Variants in CLEC4F observed in about 807,000 individuals in gnomAD.
CLEC4F encodes C-type lectin domain family 4 member F.
A neutral mutation model predicts 53.4 loss-of-function variants in CLEC4F; 45 were observed. The observed-to-expected ratio is 0.84, with a 90% CI of 0.66 to 1.08. The LOEUF (loss-of-function observed/expected upper bound fraction) is 1.08, where lower values mean the gene tolerates loss of function less well. Among genes scored for constraint, CLEC4F ranks in the 50% least tolerant of loss-of-function variants. CLEC4F has a pLI of 0.00. For synonymous variants in CLEC4F, 245 were observed against 257.5 expected (o/e 0.95, Z 0.46); for missense variants, 753 against 698.2 (o/e 1.08, Z -0.88).
At chr2:70,823,689 C>A (rs1378579716), upstream of CLEC4F, among the ~76,000 whole-genome samples, 3 of 152,140 alleles carry the variant, frequency 2.0e-5, no homozygotes, top group African/African-American at 7.2e-5. Flanking sequence ...TATGTCTTCA[C>A]TGAGAGGCTT....
chr2:70,814,978 A>G (rs1676817563), intron 4 of CLEC4F, among the ~76,000 whole-genome samples: 1 of 152,128 alleles, frequency 6.6e-6, no homozygotes, highest in East Asian at 1.9e-4. Flanking sequence ...TGGGAGGAAT[A>G]AGGACATTGG....
intron 4 of CLEC4F, 147 bp from the exon 5 acceptor site, chr2:70,812,745 G>C (rs1240790541): frequency 1.7e-5 from 14 of 817,208 alleles, no homozygotes; most frequent in Non-Finnish European, 2.3e-5. Flanking sequence ...GAAAGGCCTG[G>C]GGGGCTGCAC....
Position 70,820,580 on chromosome 2 carries a change from TC to T in CLEC4F, c.-58del. ...CAGCCACTGGCTCCTGGAAGGGCCG[TC>T]CCGTGGACCAATGGCAGTGGAAGCA... On this transcript the variant is annotated 5_prime_UTR_variant, in exon 1 of 7. Coordinates refer to ENST00000272367, the MANE Select transcript of CLEC4F (RefSeq NM_173535.3). 6.6e-7 allele frequency: 1 copy of T among 1,522,192 alleles called. No individual in the cohort carries two copies. The highest frequency in any genetic ancestry group is 8.9e-7 in the Non-Finnish European group (1 of 1,124,434). 94.3% of individuals were successfully genotyped at this position (1,522,192 alleles called of 1,614,324 possible).
Position 70,820,558 on chromosome 2 carries a change from C to T in CLEC4F, c.-35G>A, listed in dbSNP as rs112492821. 28 of 1,563,184 alleles carry T rather than the reference C, an allele frequency of 1.8e-5. No individual in the cohort carries two copies. The highest frequency in any genetic ancestry group is 3.7e-4 in the Middle Eastern group (2 of 5,404). ...CTTGATCCTCCAGCACTGCTCCCAGCCACTGGCTCCTGGAAGGGCCGTCCC... is the reference window on the plus strand; with the variant it reads ...CTTGATCCTCCAGCACTGCTCCCAGTCACTGGCTCCTGGAAGGGCCGTCCC... On this transcript the variant is annotated 5_prime_UTR_variant, in exon 1 of 7. Coordinates refer to ENST00000272367, the MANE Select transcript of CLEC4F (RefSeq NM_173535.3).
chr2:70,815,989 C>G lies in CLEC4F; in HGVS notation c.1387+5G>C, dbSNP rs1676876268. ...CCCCAAACGCGACTCCCCTCTCCCA[C>G]TTACTTTGGGTTCTTTGTAGCTGTT... On this transcript the variant is annotated splice_donor_5th_base_variant and intron_variant, in intron 4 of 6. Transcript: ENST00000272367. The G allele has an allele frequency of 6.2e-7, 1 of 1,609,986 alleles. No individual in the cohort carries two copies. The highest frequency in any genetic ancestry group is 1.3e-5 in the African/African-American group (1 of 74,894).
At chr2:70,811,727 C>T (rs1676578806) in intron 5 of CLEC4F, among the ~76,000 whole-genome samples, 1 of 152,060 alleles carries the variant, frequency 6.6e-6, no homozygotes, top group African/African-American at 2.4e-5. Flanking sequence ...CCTGGTCTTC[C>T]CAAGAAGCCT....
chr2:70,809,301 G>T lies in CLEC4F; in HGVS notation c.1740C>A (p.Thr580=), dbSNP rs781889384. 6.2e-6 allele frequency: 10 copies of T among 1,613,806 alleles called. No homozygotes were observed. In the African/African-American group the frequency reaches 1.2e-4, roughly 19 times the overall value. Reference sequence around the variant, plus strand: ...TACTGAGGATCCAGGGACAGGGAGGGGTGTCTATGAAGCTGCAAGCTCCCA... The same window carrying T: ...TACTGAGGATCCAGGGACAGGGAGGTGTGTCTATGAAGCTGCAAGCTCCCA... The part of the protein sequence containing the change: ...SGMGACSFID[T]PPCPWILSN The change falls in exon 7 of 7, where the codon ACC becomes ACA. Residue 580 remains threonine (T), a synonymous_variant. Coordinates refer to ENST00000272367, the MANE Select transcript of CLEC4F (RefSeq NM_173535.3).
Position 70,820,481 on chromosome 2 carries a change from C to A in CLEC4F, c.43G>T (p.Val15Phe). 1 of 1,589,622 alleles carries A rather than the reference C, an allele frequency of 6.3e-7. No homozygotes were observed. Among genetic ancestry groups the A allele is most frequent in the South Asian group, 1.1e-5 (1 of 87,414 alleles). The change falls in exon 1 of 7, where the codon GTC becomes TTC. Residue 15 changes from valine (V) to phenylalanine (F), a missense_variant. Transcript: ENST00000272367. ...TTCTCACCTTGGGGGTGCAGGGAGACACACTGGTTATCTGTGCAGAAGCGG... is the reference window on the plus strand; with the variant it reads ...TTCTCACCTTGGGGGTGCAGGGAGAAACACTGGTTATCTGTGCAGAAGCGG... Reference protein sequence around the residue: ...AVRFCTDNQCVSLHPQEVDSV... With the variant: ...AVRFCTDNQCFSLHPQEVDSV...
In CLEC4F at chr2:70,812,568, C is replaced by T; in HGVS notation, c.1418G>A (p.Trp473Ter). 1.9e-6 allele frequency: 3 copies of T among 1,614,194 alleles called. No individual in the cohort carries two copies. The highest frequency in any genetic ancestry group is 2.5e-6 in the Non-Finnish European group (3 of 1,180,024). Residue 473 changes from tryptophan to a stop codon, truncating the protein, a stop_gained, in exon 5 of 7, where the codon TGG becomes TAG. Coordinates refer to ENST00000272367, the MANE Select transcript of CLEC4F (RefSeq NM_173535.3). LOFTEE classifies it high-confidence loss of function. ...SQLLQMVLQG[W>*]KFNGGSLYYF... ...ATATAAGCTTCCACCATTGAACTTC[C>T]AGCCTTGCAGGACCATCTGGAGAAG...
Position 70,817,079 on chromosome 2 carries a change from C to G in CLEC4F, c.302G>C (p.Arg101Pro), listed in dbSNP as rs2075221. The part of the protein sequence containing the change: ...HHHFGREAEM[R>P]ELIQTFKGHM... ...GCCTTTAAATGTCTGGATAAGCTCT[C>G]GCATTTCTGCCTCCCTGCCAAAGTG... The change falls in exon 4 of 7, where the codon CGA (arginine) becomes CCA (proline). Residue 101 changes from arginine to proline, a missense_variant. Coordinates refer to ENST00000272367, the MANE Select transcript of CLEC4F (RefSeq NM_173535.3). 2 of 1,611,490 alleles carry G rather than the reference C, an allele frequency of 1.2e-6. No homozygotes were observed. Among genetic ancestry groups the G allele is most frequent in the Non-Finnish European group, 1.7e-6 (2 of 1,179,806 alleles).
chr2:70,815,637 A>C (rs1676853399), intron 4 of CLEC4F, among the ~76,000 whole-genome samples: 1 of 152,220 alleles, frequency 6.6e-6, no homozygotes, highest in Admixed American at 6.5e-5. Context: ...GCAGATGAGA[A>C]AAGTGTAGCT....
At chr2:70,819,199 T>G (rs115424598) in intron 3 of CLEC4F, among the ~76,000 whole-genome samples, 156 bp downstream of exon 3, 1 of 152,228 alleles carries the variant, frequency 6.6e-6, no homozygotes, top group African/African-American at 2.4e-5. Flanking sequence ...CCATTAGACC[T>G]CAATAAAACT....
At chr2:70,822,859 T>C (rs1677260163), upstream of CLEC4F, among the ~76,000 whole-genome samples, 1 of 152,236 alleles carries the variant, frequency 6.6e-6, no homozygotes. Flanking sequence ...CTCATGTCTT[T>C]TGCACAGATC....
At chr2:70,822,129 G>A (rs562888790), upstream of CLEC4F, among the ~76,000 whole-genome samples, 1 of 152,246 alleles carries the variant, frequency 6.6e-6, no homozygotes, top group South Asian at 2.1e-4. Context: ...GCATCTGAAG[G>A]GGGGCAGTCT....
chr2:70,810,496 G>A (rs1382164726), intron 5 of CLEC4F, among the ~76,000 whole-genome samples: 2 of 151,486 alleles, frequency 1.3e-5, no homozygotes, highest in African/African-American at 2.4e-5. Flanking sequence ...GCAGGTGCCT[G>A]TAATCCCAGC....
In CLEC4F at chr2:70,816,091, G is replaced by A. The variant is rs1553395712; in HGVS notation, c.1290C>T (p.Asn430=). 3.7e-6 allele frequency: 6 copies of A among 1,614,234 alleles called. No homozygotes were observed. Among genetic ancestry groups the A allele is most frequent in the African/African-American group, 2.7e-5 (2 of 75,060 alleles). The change falls in exon 4 of 7, where the codon AAC becomes AAT. Residue 430 remains asparagine, a synonymous_variant. Coordinates refer to ENST00000272367, the MANE Select transcript of CLEC4F (RefSeq NM_173535.3). ...GGATTTCCATGGTTAGAGCTTTGGTGTTCTCTAGATCCCCTCTTAACCTCT... is the reference window on the plus strand; with the variant it reads ...GGATTTCCATGGTTAGAGCTTTGGTATTCTCTAGATCCCCTCTTAACCTCT... ...EIQRLRGDLE[N]TKALTMEIQQ...
upstream of CLEC4F, among the ~76,000 whole-genome samples, chr2:70,823,610 C>T (rs372734377): frequency 1.2e-4 from 18 of 152,122 alleles, no homozygotes; most frequent in East Asian, 7.8e-4. Flanking sequence ...ACCCACCCTC[C>T]GGGCCCTAGC....
upstream of CLEC4F, among the ~76,000 whole-genome samples, chr2:70,824,326 T>C (rs1352789344): frequency 1.3e-5 from 2 of 151,938 alleles, no homozygotes; most frequent in African/African-American, 4.8e-5. Context: ...CTGTTCTCCC[T>C]GCCTCTCCTC....
At chr2:70,821,569 T>C (rs782406989), upstream of CLEC4F, among the ~76,000 whole-genome samples, 4 of 152,210 alleles carry the variant, frequency 2.6e-5, no homozygotes, top group Non-Finnish European at 5.9e-5. Context: ...CAGAGTCTCC[T>C]GCACTTGGGA....
Sources: allele counts gnomAD v4.1 joint callset (sites outside exome capture counted in the v4.1 genomes callset), GRCh38; gene constraint gnomAD v4.1.1; transcripts MANE v1.5; gene names NCBI Gene and HGNC (gene_info 2026-07-23, HGNC 2026-07-21).